Variants in KLHL38 observed in about 807,000 individuals in gnomAD.
The protein encoded by KLHL38 is kelch-like protein 38.
KLHL38 carries 38 observed loss-of-function variants against 39.6 expected under a neutral mutation model. That is an observed-to-expected ratio of 0.96 (90% CI 0.74 to 1.26). The LOEUF is 1.26. Ranked by LOEUF, KLHL38 falls within the 50% of genes most tolerant of loss-of-function variation. The pLI is 0.00. For missense variants in KLHL38, 803 were observed against 748.1 expected (o/e 1.07, Z -0.86); for synonymous variants, 322 against 302.2 (o/e 1.07, Z -0.68).
Position 123,652,521 on chromosome 8 carries a change from A to G in KLHL38, c.406T>C (p.Cys136Arg). ...YLQSQLAPSN[C>R]LGMIRLSEIL... ...TCTGAGAGTCTGATCATACCCAGGC[A>G]GTTGCTGGGGGCCAACTGGCTCTGC... Residue 136 changes from cysteine to arginine, a missense_variant, in exon 2 of 4, where the codon TGC becomes CGC. Physicochemically the swap from Cys to Arg is radical, Grantham distance 180. Coordinates refer to ENST00000684634, the MANE Select transcript of KLHL38 (RefSeq NM_001081675.3). 6.2e-7 allele frequency: 1 copy of G among 1,614,204 alleles called. No homozygotes were observed. Among genetic ancestry groups the G allele is most frequent in the Non-Finnish European group, 8.5e-7 (1 of 1,180,036 alleles).
chr8:123,652,769 G>A lies in KLHL38; in HGVS notation c.158C>T (p.Ala53Val), dbSNP rs1812678184. The A allele has an allele frequency of 1.9e-6, 3 of 1,614,194 alleles. No individual in the cohort carries two copies. The highest frequency in any genetic ancestry group is 2.5e-6 in the Non-Finnish European group (3 of 1,180,036). Residue 53 changes from alanine (A) to valine (V), a missense_variant, in exon 2 of 4, where the codon GCC (alanine) becomes GTC (valine). Coordinates refer to ENST00000684634, the MANE Select transcript of KLHL38 (RefSeq NM_001081675.3). ...AGCCCTGAAGTAGGGGCTGCTGGAG[G>A]CCAGCACGTTGCGGTGGCAGGGGAT... is the stretch of plus-strand genomic sequence containing the variant. Reference protein sequence around the residue: ...REIPCHRNVLASSSPYFRAMF... With the variant: ...REIPCHRNVLVSSSPYFRAMF...
At position 123,645,629 on chromosome 8, in the gene KLHL38, A is replaced by G. The variant is rs1054196917; in HGVS notation, c.*110T>C. On this transcript the variant is annotated 3_prime_UTR_variant, in exon 4 of 4. Coordinates refer to ENST00000684634, the MANE Select transcript of KLHL38 (RefSeq NM_001081675.3). ...CCAGGCCTCCCGACTCTGGTACCTC[A>G]GTCTTGTGAGCTCTCCCTGCAGCCT... 1.6e-6 allele frequency: 2 copies of G among 1,214,076 alleles called. No individual in the cohort carries two copies. Among genetic ancestry groups the G allele is most frequent in the African/African-American group, 3.0e-5 (2 of 65,992 alleles). 75.2% of individuals were successfully genotyped at this position (1,214,076 alleles called of 1,614,324 possible).
rs1418140669 is a variant in KLHL38, at chr8:123,652,095, G to A, written c.832C>T (p.Pro278Ser). 1.9e-6 allele frequency: 3 copies of A among 1,614,086 alleles called. No individual in the cohort carries two copies. Among genetic ancestry groups the A allele is most frequent in the Admixed American group, 1.7e-5 (1 of 60,008 alleles). Residue 278 changes from proline to serine, a missense_variant, in exon 2 of 4, where the codon CCA (proline) becomes TCA (serine). Pro to Ser is a moderately conservative substitution (Grantham distance 74). Transcript: ENST00000684634. Reference sequence around the variant, plus strand: ...AGGAAATCTTGGTAAGAGTTTCTTGGAGGGACATGCAACAGGAGTTTGCAG... The same window carrying A: ...AGGAAATCTTGGTAAGAGTTTCTTGAAGGGACATGCAACAGGAGTTTGCAG... ...PDCKLLLHVP[P>S]RNSYQDFLIL...
At chr8:123,651,499 T>C (rs1224977537) in intron 2 of KLHL38, 78 bp downstream of exon 2, 1 of 1,441,462 alleles carries the variant, frequency 6.9e-7, no homozygotes, top group Non-Finnish European at 9.3e-7. Flanking sequence ...TACATGTGCA[T>C]GTGTGTGCAA....
Position 123,651,607 on chromosome 8 carries a change from G to T in KLHL38, c.1320C>A (p.Asp440Glu). ...DQRLYLFGGEDIMQNPVRLIQ... is the reference protein window; with the variant it reads ...DQRLYLFGGEEIMQNPVRLIQ... ...TAAGGCGCACAGGGTTCTGCATGAT[G>T]TCCTCTCCTCCAAAGAGATAGAGTC... Residue 440 changes from aspartate (D) to glutamate (E), a missense_variant, in exon 2 of 4, where the codon GAC (aspartate) becomes GAA (glutamate). By Grantham distance (45) the Asp-to-Glu change is conservative. Transcript: ENST00000684634. The T allele has an allele frequency of 6.2e-7, 1 of 1,600,548 alleles. No homozygotes were observed.
In KLHL38 at chr8:123,651,762, C is replaced by T. The variant is rs370038628; in HGVS notation, c.1165G>A (p.Gly389Arg). 222 of 1,613,984 alleles carry T rather than the reference C, an allele frequency of 1.4e-4. 1 individual carries two copies. Among genetic ancestry groups the T allele is most frequent in the Middle Eastern group, 3.3e-4 (2 of 6,084 alleles). ...TAHKNFIFSI[G>R]GIGEGQELMG... ...AGCTCCTGCCCTTCTCCAATCCCCCCGATGGAGAAGATGAAGTTCTTATGG... is the reference window on the plus strand; with the variant it reads ...AGCTCCTGCCCTTCTCCAATCCCCCTGATGGAGAAGATGAAGTTCTTATGG... The change falls in exon 2 of 4, where the codon GGG becomes AGG. Residue 389 changes from glycine to arginine, a missense_variant. Gly to Arg is a moderately radical substitution (Grantham distance 125). Coordinates refer to ENST00000684634, the MANE Select transcript of KLHL38 (RefSeq NM_001081675.3).
chr8:123,645,792 C>T lies in KLHL38; in HGVS notation c.1693G>A (p.Asp565Asn), dbSNP rs748786833. Residue 565 changes from aspartate (D) to asparagine (N), a missense_variant, in exon 4 of 4, where the codon GAC becomes AAC. Physicochemically the swap from Asp to Asn is conservative, Grantham distance 23 (BLOSUM62 1). Coordinates refer to ENST00000684634, the MANE Select transcript of KLHL38 (RefSeq NM_001081675.3). ...CACTGGAGAGTGAGGCAGGCATGGT[C>T]AAAGAGCTTGTGCGGCAGCTGTCCC... ...SQGQLPHKLF[D>N]HACLTLQCIP... 6.2e-7 allele frequency: 1 copy of T among 1,613,508 alleles called. No individual in the cohort carries two copies. Among genetic ancestry groups the T allele is most frequent in the Non-Finnish European group, 8.5e-7 (1 of 1,179,938 alleles).
intron 3 of KLHL38, 35 bp downstream of exon 3, chr8:123,646,874 T>C (rs1300871621): frequency 6.9e-7 from 1 of 1,447,808 alleles, no homozygotes; most frequent in East Asian, 2.3e-5. Flanking sequence ...GTGCCAAGTT[T>C]GTGTCACGCC....
intron 2 of KLHL38, among the ~76,000 whole-genome samples, chr8:123,648,903 G>A (rs1449091775): frequency 6.6e-6 from 1 of 152,202 alleles, no homozygotes; most frequent in East Asian, 1.9e-4. Flanking sequence ...TCCATCAAGT[G>A]ACTCCCAGCA....
In KLHL38 at chr8:123,645,546, G is replaced by C. The variant is rs1818647392; in HGVS notation, c.*193C>G. On this transcript the variant is annotated 3_prime_UTR_variant, in exon 4 of 4. Coordinates refer to ENST00000684634, the MANE Select transcript of KLHL38 (RefSeq NM_001081675.3). ...CAGAGACAGATGGAGGTGGGGGAGA[G>C]AGATAAGGAGAGAGGCAGAGAAGGA... 3.3e-6 allele frequency: 2 copies of C among 599,524 alleles called. No individual in the cohort carries two copies. Among genetic ancestry groups the C allele is most frequent in the Non-Finnish European group, 3.0e-6 (1 of 338,508 alleles). The allele number at this position is 599,524 out of a possible 1,614,324, so 37.1% of individuals were successfully genotyped here. A position where few individuals can be genotyped will look rare whatever the true frequency, so the allele number is the denominator to read the frequency against.
In KLHL38 at chr8:123,652,081, G is replaced by A. The variant is rs1812657479; in HGVS notation, c.846C>T (p.Tyr282=). ...CGCCCAAGAGGATGAGGAAATCTTG[G>A]TAAGAGTTTCTTGGAGGGACATGCA... ...LLLHVPPRNS[Y]QDFLILLGGR... The change falls in exon 2 of 4, where the codon TAC becomes TAT. Residue 282 remains tyrosine, a synonymous_variant. Transcript: ENST00000684634. The A allele has an allele frequency of 1.2e-6, 2 of 1,614,086 alleles. No homozygotes were observed.
At position 123,652,085 on chromosome 8, in the gene KLHL38, G is replaced by C; in HGVS notation, c.842C>G (p.Ser281Cys). The C allele has an allele frequency of 6.2e-7, 1 of 1,614,236 alleles. No individual in the cohort carries two copies. Among genetic ancestry groups the C allele is most frequent in the Non-Finnish European group, 8.5e-7 (1 of 1,180,040 alleles). Residue 281 changes from serine (S) to cysteine (C), a missense_variant, in exon 2 of 4, where the codon TCT (serine) becomes TGT (cysteine). Transcript: ENST00000684634. ...CAAGAGGATGAGGAAATCTTGGTAAGAGTTTCTTGGAGGGACATGCAACAG... is the reference window on the plus strand; with the variant it reads ...CAAGAGGATGAGGAAATCTTGGTAACAGTTTCTTGGAGGGACATGCAACAG... ...KLLLHVPPRN[S>C]YQDFLILLGG...
In KLHL38 at chr8:123,646,841, G is replaced by A. The variant is rs560127683; in HGVS notation, c.1456+68C>T. 11 of 1,023,826 alleles carry A rather than the reference G, an allele frequency of 1.1e-5. 1 individual carries two copies. The South Asian group carries it at 1.1e-4, about 10-fold the overall frequency. The allele number at this position is 1,023,826 out of a possible 1,614,324, so 63.4% of individuals were successfully genotyped here. A position where few individuals can be genotyped will look rare whatever the true frequency, so the allele number is the denominator to read the frequency against. On this transcript the variant is annotated intron_variant, in intron 3 of 3. Coordinates refer to ENST00000684634, the MANE Select transcript of KLHL38 (RefSeq NM_001081675.3). The stretch of plus-strand genomic sequence containing the variant: ...GTCTTGTAGAATAACATCTGTCTAT[G>A]AGTGACCTTTTTTCCATAGAAGGTG...
At chr8:123,650,141 C>T (rs749761099) in intron 2 of KLHL38, among the ~76,000 whole-genome samples, 2 of 141,448 alleles carry the variant, frequency 1.4e-5, no homozygotes, top group Non-Finnish European at 3.0e-5. Flanking sequence ...AAGTCAGCTT[C>T]AGCCAACTTC....
At position 123,645,994 on chromosome 8, in the gene KLHL38, T is replaced by C. The variant is rs375012579; in HGVS notation, c.1491A>G (p.Gln497=). ...YTRRILAYDP[Q]SNKFVKCADM... The stretch of plus-strand genomic sequence containing the variant: ...CCGCACATTTGACAAATTTGTTGGA[T>C]TGAGGGTCATAAGCAAGAATCCTCC... The change falls in exon 4 of 4, where the codon CAA becomes CAG. Residue 497 remains glutamine, a synonymous_variant. Coordinates refer to ENST00000684634, the MANE Select transcript of KLHL38 (RefSeq NM_001081675.3). 3 of 1,614,032 alleles carry C rather than the reference T, an allele frequency of 1.9e-6. No individual in the cohort carries two copies. The highest frequency in any genetic ancestry group is 1.7e-6 in the Non-Finnish European group (2 of 1,180,026).
At position 123,644,632 on chromosome 8, in the gene KLHL38, C is replaced by T. The variant is rs1445468429; in HGVS notation, c.*1107G>A. On this transcript the variant is annotated 3_prime_UTR_variant, in exon 4 of 4. Coordinates refer to ENST00000684634, the MANE Select transcript of KLHL38 (RefSeq NM_001081675.3). ...CCAGGAATCCTCTGGGTTCTCTCAG[C>T]CCTCTTGTTCCAGATTTCAGTGGTG... Among the ~76,000 whole-genome samples the T allele has an allele frequency of 2.0e-5, 3 of 152,216 alleles. No homozygotes were observed. Among genetic ancestry groups the T allele is most frequent in the African/African-American group, 4.8e-5 (2 of 41,452 alleles).
At chr8:123,649,033 A>C (rs1477626047) in intron 2 of KLHL38, among the ~76,000 whole-genome samples, 1 of 152,220 alleles carries the variant, frequency 6.6e-6, no homozygotes, top group African/African-American at 2.4e-5. Flanking sequence ...CCTGAAATGC[A>C]AAAGGATCCC....
chr8:123,651,731 C>G lies in KLHL38; in HGVS notation c.1196G>C (p.Gly399Ala). Residue 399 changes from glycine (G) to alanine (A), a missense_variant, in exon 2 of 4, where the codon GGC (glycine) becomes GCC (alanine). Transcript: ENST00000684634. ...GATGCTGTCATACCTTTCCATGGAG[C>G]CCATGAGCTCCTGCCCTTCTCCAAT... is the stretch of plus-strand genomic sequence containing the variant. ...GGIGEGQELM[G>A]SMERYDSICN... 2 of 1,614,194 alleles carry G rather than the reference C, an allele frequency of 1.2e-6. No homozygotes were observed. Among genetic ancestry groups the G allele is most frequent in the Non-Finnish European group, 1.7e-6 (2 of 1,180,034 alleles).
intron 3 of KLHL38, 117 bp downstream of exon 3, chr8:123,646,792 G>C: frequency 1.5e-6 from 1 of 647,088 alleles, no homozygotes; most frequent in Non-Finnish European, 2.7e-6. Flanking sequence ...CTTCTGGTTG[G>C]TTGGATGTGC....
Sources: gnomAD v4.1 joint callset for allele counts (sites outside exome capture counted in the v4.1 genomes callset) on GRCh38, gnomAD v4.1.1 for gene constraint, MANE v1.5 for transcripts, NCBI Gene and HGNC (gene_info 2026-07-23, HGNC 2026-07-21) for gene names.